FLNB: variants seen among roughly 807,000 people sequenced by gnomAD.
FLNB encodes the protein filamin-B.
In FLNB, 111 loss-of-function variants were observed where a neutral mutation model predicts 250.6. The observed-to-expected ratio is 0.44, with a 90% CI of 0.38 to 0.52. The LOEUF is 0.52. FLNB is among the 20% of genes least tolerant of loss of function. FLNB has a pLI of 0.00. For missense variants in FLNB, 2,869 were observed against 3,447.8 expected (o/e 0.83, Z 4.20); for synonymous variants, 1,302 against 1,372.1 (o/e 0.95, Z 1.13).
chr3:58,067,191 CT>C (rs11303605), intron 1 of FLNB, among the ~76,000 whole-genome samples: 66,429 of 147,756 alleles, frequency 0.45, 14,905 homozygotes, highest in Middle Eastern at 0.55. Context: ...TTTTAGCAGT[CT>C]TTTTTTTTTT....
At position 58,096,157 on chromosome 3, in the gene FLNB, A is replaced by C. The variant is rs1387765956; in HGVS notation, c.923A>C (p.Asp308Ala). The C allele has an allele frequency of 1.2e-6, 2 of 1,613,918 alleles. No individual in the cohort carries two copies. The change falls in exon 6 of 46, where the codon GAC becomes GCC. Residue 308 changes from aspartate (D) to alanine (A), a missense_variant. Physicochemically the swap from Asp to Ala is moderately radical, Grantham distance 126 (BLOSUM62 -2). Coordinates refer to ENST00000295956, the MANE Select transcript of FLNB (RefSeq NM_001457.4). Reference protein sequence around the residue: ...GNKEEAQVTPDSDKNKTYSVE... With the variant: ...GNKEEAQVTPASDKNKTYSVE... ...CCCTCCTAGGCACAAGTGACCCCTG[A>C]CAGTGACAAGAACAAGACATACTCT...
At position 58,013,789 on chromosome 3, in the gene FLNB, C is replaced by T. The variant is rs375269236; in HGVS notation, c.292+4933C>T. Among the ~76,000 whole-genome samples, 6 of 152,336 alleles carry T rather than the reference C, an allele frequency of 3.9e-5. No individual in the cohort carries two copies. The South Asian group carries it at 8.3e-4, about 21-fold the overall frequency. On this transcript the variant is annotated intron_variant, in intron 1 of 45. Coordinates refer to ENST00000295956, the MANE Select transcript of FLNB (RefSeq NM_001457.4). Reference sequence around the variant, plus strand: ...GTTGAGCTGAGATCATGCCATTGCACTCCAGCTTGGGCAACAGGAGCAAAA... The same window carrying T: ...GTTGAGCTGAGATCATGCCATTGCATTCCAGCTTGGGCAACAGGAGCAAAA...
chr3:58,020,048 G>GTGTGTGTGTGT (rs2097111410), intron 1 of FLNB, among the ~76,000 whole-genome samples: 1 of 136,904 alleles, frequency 7.3e-6, no homozygotes, highest in African/African-American at 2.7e-5. Flanking sequence ...ACACCACAGG[G>GTGTGTGTGTGT]GTGTGTGTGT....
At chr3:58,168,989 A>G (rs1366518168) in intron 44 of FLNB, 4 of 350,370 alleles carry the variant, frequency 1.1e-5, no homozygotes, top group East Asian at 1.4e-4. Flanking sequence ...AAAATAATCA[A>G]AAAGTTTTCC....
intron 1 of FLNB, among the ~76,000 whole-genome samples, chr3:58,053,951 G>A (rs2097166532): frequency 6.6e-6 from 1 of 152,216 alleles, no homozygotes; most frequent in African/African-American, 2.4e-5. Flanking sequence ...GGCGCGAAGA[G>A]CAACACCTTT....
intron 1 of FLNB, among the ~76,000 whole-genome samples, chr3:58,036,822 G>C (rs543718703): frequency 6.6e-6 from 1 of 152,166 alleles, no homozygotes; most frequent in Non-Finnish European, 1.5e-5. Flanking sequence ...GCCCAGGAAT[G>C]AACAAGGACA....
chr3:58,139,706 T>C (rs2097323178), intron 29 of FLNB, among the ~76,000 whole-genome samples: 1 of 152,236 alleles, frequency 6.6e-6, no homozygotes, highest in Non-Finnish European at 1.5e-5. Flanking sequence ...GGGAAGTTGA[T>C]GTCCTTATTC....
In FLNB at chr3:58,129,893, G is replaced by C. The variant is rs75874115; in HGVS notation, c.4223-848G>C. ...CACAGTGGAGTCCATGAGTGTCCTT[G>C]GCCTAGCCCTTGTTTCTCTGTTTAG... On this transcript the variant is annotated intron_variant, in intron 24 of 45. Transcript: ENST00000295956. Among the ~76,000 whole-genome samples, 1,010 of 152,274 alleles carry C rather than the reference G, an allele frequency of 6.6e-3. 8 individuals are homozygous for C. Among genetic ancestry groups the C allele is most frequent in the African/African-American group, 0.023 (962 of 41,548 alleles).
chr3:58,020,539 G>T (rs6764184), intron 1 of FLNB, among the ~76,000 whole-genome samples: 40,239 of 152,048 alleles, frequency 0.26, 5,678 homozygotes, highest in East Asian at 0.5. Context: ...TTGCTGAAAG[G>T]TCTGGGTGTT....
At position 58,170,560 on chromosome 3, in the gene FLNB, C is replaced by T. The variant is rs1559746740; in HGVS notation, c.7622-15C>T. 3 of 1,613,820 alleles carry T rather than the reference C, an allele frequency of 1.9e-6. No individual in the cohort carries two copies. The highest frequency in any genetic ancestry group is 1.1e-5 in the South Asian group (1 of 91,044). ...CTGATGCATCCGGGTGGAGTAACCA[C>T]CTTTTGCCTCCTAGGCTCCAACATG... On this transcript the variant is annotated splice_polypyrimidine_tract_variant and intron_variant, in intron 45 of 45. Transcript: ENST00000295956.
intron 1 of FLNB, among the ~76,000 whole-genome samples, chr3:58,076,616 G>A (rs541488336): frequency 6.6e-6 from 1 of 151,908 alleles, no homozygotes; most frequent in South Asian, 2.1e-4. Context: ...CACCATGCTC[G>A]GCTAATTTTT....
At chr3:58,151,732 C>A (rs543011255) in intron 38 of FLNB, among the ~76,000 whole-genome samples, 1 of 152,340 alleles carries the variant, frequency 6.6e-6, no homozygotes, top group South Asian at 2.1e-4. Flanking sequence ...GATGCATCAA[C>A]CTTCGTTACT....
intron 4 of FLNB, among the ~76,000 whole-genome samples, chr3:58,085,511 A>G: frequency 6.6e-6 from 1 of 152,226 alleles, no homozygotes; most frequent in Non-Finnish European, 1.5e-5. Context: ...ATTGTTTAAT[A>G]GATGCCAGTT....
At chr3:58,019,202 C>G (rs1559638888) in intron 1 of FLNB, among the ~76,000 whole-genome samples, 1 of 152,154 alleles carries the variant, frequency 6.6e-6, no homozygotes, top group Non-Finnish European at 1.5e-5. Context: ...CACGCAGTAC[C>G]ATAATCCACA....
intron 4 of FLNB, among the ~76,000 whole-genome samples, chr3:58,083,507 C>T (rs1189429802): frequency 2.0e-5 from 3 of 151,114 alleles, no homozygotes; most frequent in African/African-American, 4.9e-5. Flanking sequence ...GCTGGGATTA[C>T]AGGCATCCAC....
intron 1 of FLNB, among the ~76,000 whole-genome samples, chr3:58,049,983 T>C (rs925538693): frequency 3.3e-5 from 5 of 151,834 alleles, no homozygotes; most frequent in Non-Finnish European, 7.4e-5. Context: ...CTCACAAAAC[T>C]TCCTTTTACC....
intron 18 of FLNB, among the ~76,000 whole-genome samples, chr3:58,114,408 T>C (rs184324349): frequency 2.0e-5 from 3 of 152,368 alleles, no homozygotes; most frequent in Non-Finnish European, 4.4e-5. Context: ...AGTGCTGGGA[T>C]TATAGGCATG....
chr3:58,105,224 G>A lies in FLNB; in HGVS notation c.1747+8G>A, dbSNP rs2097257683. The A allele has an allele frequency of 6.2e-7, 1 of 1,614,116 alleles. No homozygotes were observed. The highest frequency in any genetic ancestry group is 1.3e-5 in the African/African-American group (1 of 75,038). On this transcript the variant is annotated splice_region_variant and intron_variant, in intron 11 of 45. Coordinates refer to ENST00000295956, the MANE Select transcript of FLNB (RefSeq NM_001457.4). ...CTGAAGTGGGGTCTCTGGGTAAGTG[G>A]ACACAGCTGACCAGCATCTTCTGGA...
chr3:58,097,463 G>A (rs899482255), intron 6 of FLNB, among the ~76,000 whole-genome samples: 5 of 152,156 alleles, frequency 3.3e-5, no homozygotes, highest in South Asian at 2.1e-4. Flanking sequence ...TTGAAATCCT[G>A]GAACTGCATA....
Sources: gnomAD v4.1 joint callset for allele counts (sites outside exome capture counted in the v4.1 genomes callset) on GRCh38, gnomAD v4.1.1 for gene constraint, MANE v1.5 for transcripts, NCBI Gene and HGNC (gene_info 2026-07-23, HGNC 2026-07-21) for gene names.